DGAT2L6: variants seen among roughly 807,000 people sequenced by gnomAD.
DGAT2L6 encodes diacylglycerol O-acyltransferase 2 like 6, also known as diacylglycerol O-acyltransferase 2-like protein 6.
DGAT2L6 carries 22 observed loss-of-function variants against 25.5 expected under a neutral mutation model. That is an observed-to-expected ratio of 0.86 (90% confidence interval 0.62 to 1.23). The LOEUF (loss-of-function observed/expected upper bound fraction) is 1.23, where lower values mean the gene tolerates loss of function less well. DGAT2L6 is among the 50% of genes most tolerant of loss of function. DGAT2L6 has a pLI of 0.00. For synonymous variants in DGAT2L6, 100 were observed against 94.7 expected, an observed-to-expected ratio of 1.06 and a Z score of -0.32; for missense variants, 287 against 253.2, an observed-to-expected ratio of 1.13 and a Z score of -0.91.
At chrX:70,178,905 G>A (rs1202650205) in intron 1 of DGAT2L6, among the ~76,000 whole-genome samples, 2 of 112,264 alleles carry the variant, frequency 1.8e-5, no homozygotes, top group Non-Finnish European at 3.8e-5. Flanking sequence ...CAGGCATCTC[G>A]AAATTTCATT....
chrX:70,181,197 A>G (rs2085342077), intron 1 of DGAT2L6, among the ~76,000 whole-genome samples: 1 of 112,310 alleles, frequency 8.9e-6, no homozygotes, highest in Non-Finnish European at 1.9e-5. Context: ...CAATTTCTCC[A>G]CATCCTCACC....
At chrX:70,202,168 C>G in intron 5 of DGAT2L6, 104 bp downstream of exon 5, 2 of 761,149 alleles carry the variant, frequency 2.6e-6, no homozygotes, top group Non-Finnish European at 3.6e-6. Flanking sequence ...GGGCCCCCAT[C>G]TTCACTCTAA....
rs747326006 is a variant in DGAT2L6, at chrX:70,205,095, A to T, written c.1003A>T (p.Thr335Ser). 1.1e-5 allele frequency: 13 copies of T among 1,191,811 alleles called. No homozygotes were observed. In the South Asian group the frequency reaches 2.5e-4, roughly 23 times the overall value. ...TGGCCTCCCTGAGACCCAAGAGCTG[A>T]CAATTACATAACAGGAGCCACATTC... ...EYGLPETQEL[T>S]IT The change falls in exon 7 of 7, where the codon ACA becomes TCA. Residue 335 changes from threonine to serine, a missense_variant. Thr to Ser is a moderately conservative substitution (Grantham distance 58, BLOSUM62 1). Coordinates refer to ENST00000333026, the MANE Select transcript of DGAT2L6 (RefSeq NM_198512.3).
chrX:70,202,891 G>A (rs982075284), intron 5 of DGAT2L6, among the ~76,000 whole-genome samples: 4 of 111,759 alleles, frequency 3.6e-5, no homozygotes, highest in Non-Finnish European at 7.5e-5. Context: ...GCAAGACGCG[G>A]AATAATCTGG....
intron 1 of DGAT2L6, among the ~76,000 whole-genome samples, chrX:70,185,264 C>G (rs1349230742): frequency 9.0e-6 from 1 of 111,727 alleles, no homozygotes; most frequent in Non-Finnish European, 1.9e-5. Context: ...CTCTACCAAT[C>G]CATCTGACAA....
chrX:70,177,765 T>G, intron 1 of DGAT2L6, 98 bp downstream of exon 1: 8 of 729,632 alleles, frequency 1.1e-5, no homozygotes, highest in Non-Finnish European at 1.7e-5. Flanking sequence ...ATCTGGGTGA[T>G]CTCCACCCTC....
chrX:70,181,335 C>T (rs2085342647), intron 1 of DGAT2L6, among the ~76,000 whole-genome samples: 1 of 112,284 alleles, frequency 8.9e-6, no homozygotes, highest in African/African-American at 3.2e-5. Flanking sequence ...TGCCTGTTGG[C>T]CATTTGATTT....
At position 70,199,901 on chromosome X, in the gene DGAT2L6, G is replaced by A. The variant is rs1264062403; in HGVS notation, c.267+19G>A. 8.4e-7 allele frequency: 1 copy of A among 1,193,964 alleles called. No homozygotes were observed. The highest frequency in any genetic ancestry group is 1.1e-6 in the Non-Finnish European group (1 of 881,862). On this transcript the variant is annotated intron_variant, in intron 3 of 6. Coordinates refer to ENST00000333026, the MANE Select transcript of DGAT2L6 (RefSeq NM_198512.3). ...AGTAAAGGTGACCACTCTTCCTCGG[G>A]GTGCCCTCAGTCCCTGTTGCCCAGA... is the stretch of plus-strand genomic sequence containing the variant.
At chrX:70,181,826 C>T (rs1488905437) in intron 1 of DGAT2L6, among the ~76,000 whole-genome samples, 1 of 111,475 alleles carries the variant, frequency 9.0e-6, no homozygotes. Context: ...AAGGGAATCA[C>T]CGTGGAATGG....
intron 5 of DGAT2L6, among the ~76,000 whole-genome samples, chrX:70,203,480 G>A (rs960537826): frequency 2.7e-5 from 3 of 111,849 alleles, no homozygotes; most frequent in African/African-American, 6.5e-5. Flanking sequence ...ATTGGTAGGA[G>A]TTGCCAGGCA....
At chrX:70,177,930 C>T (rs1189115951) in intron 1 of DGAT2L6, among the ~76,000 whole-genome samples, 1 of 108,513 alleles carries the variant, frequency 9.2e-6, no homozygotes, top group Non-Finnish European at 1.9e-5. Context: ...AGTTTGAGAC[C>T]AGCCTGGCCA....
At chrX:70,203,868 G>C (rs1042122083) in intron 5 of DGAT2L6, among the ~76,000 whole-genome samples, 23 of 109,979 alleles carry the variant, frequency 2.1e-4, no homozygotes, top group African/African-American at 6.0e-4. Context: ...AGATGAGAGA[G>C]TATGAGGCAC....
At position 70,200,235 on chromosome X, in the gene DGAT2L6, A is replaced by T; in HGVS notation, c.268-20A>T. 3 of 1,175,762 alleles carry T rather than the reference A, an allele frequency of 2.6e-6. No homozygotes were observed. Among genetic ancestry groups the T allele is most frequent in the Non-Finnish European group, 3.5e-6 (3 of 863,502 alleles). ...TTCCTTCTTTGTAGCCAATGCTCTG[A>T]CTCAATTTCCCTCTAACAGCTGGTG... On this transcript the variant is annotated intron_variant, in intron 3 of 6. Transcript: ENST00000333026.
intron 1 of DGAT2L6, among the ~76,000 whole-genome samples, chrX:70,184,175 CA>C (rs2085352482): frequency 8.9e-6 from 1 of 111,765 alleles, no homozygotes; most frequent in African/African-American, 3.3e-5. Flanking sequence ...TGTACCATAA[CA>C]GAAACAGCAT....
chrX:70,201,503 C>A (rs1178743432), intron 4 of DGAT2L6, among the ~76,000 whole-genome samples: 1 of 111,386 alleles, frequency 9.0e-6, no homozygotes, highest in African/African-American at 3.3e-5. Context: ...GTCTCGATTA[C>A]CCCTGGAGGA....
At chrX:70,187,873 AG>A (rs751093630) in intron 1 of DGAT2L6, among the ~76,000 whole-genome samples, 87 of 112,141 alleles carry the variant, frequency 7.8e-4, no homozygotes, top group Non-Finnish European at 1.3e-3. Context: ...TTAGTGGTTA[AG>A]GGTACAGTCT....
intron 1 of DGAT2L6, among the ~76,000 whole-genome samples, chrX:70,182,759 T>A (rs1038060505): frequency 1.3e-4 from 14 of 111,764 alleles, no homozygotes; most frequent in African/African-American, 4.5e-4. Context: ...GCTCACGCCA[T>A]TCTCCTGCCT....
chrX:70,198,170 A>G (rs907058524), intron 1 of DGAT2L6, among the ~76,000 whole-genome samples: 3 of 112,147 alleles, frequency 2.7e-5, no homozygotes, highest in African/African-American at 6.5e-5. Flanking sequence ...CACCATATGT[A>G]TACTTAGCCC....
intron 1 of DGAT2L6, among the ~76,000 whole-genome samples, chrX:70,181,896 C>T (rs1237930824): frequency 8.9e-6 from 1 of 111,895 alleles, no homozygotes; most frequent in Non-Finnish European, 1.9e-5. Flanking sequence ...TATGTGACTC[C>T]AAGCAAGTAC....
Sources: gnomAD v4.1 joint callset for allele counts (sites outside exome capture counted in the v4.1 genomes callset) on GRCh38, gnomAD v4.1.1 for gene constraint, MANE v1.5 for transcripts, NCBI Gene and HGNC (gene_info 2026-07-23, HGNC 2026-07-21) for gene names.